The following ANKDD1A variants were observed in gnomAD, a reference collection of about 807,000 sequenced individuals.
ANKDD1A encodes the protein ankyrin repeat and death domain containing 1A, also known as ankyrin repeat and death domain-containing protein 1A.
A neutral mutation model predicts 63.5 loss-of-function variants in ANKDD1A; 59 were observed. The observed-to-expected ratio is 0.93, with a 90% CI of 0.75 to 1.15. ANKDD1A has a LOEUF of 1.15. ANKDD1A is among the 50% of genes most tolerant of loss of function. ANKDD1A has a pLI of 0.00. For missense variants in ANKDD1A, 632 were observed against 656.4 expected (o/e 0.96, Z 0.41); for synonymous variants, 266 against 263.9 (o/e 1.01, Z -0.08).
At position 64,944,711 on chromosome 15, in the gene ANKDD1A, G is replaced by A. The variant is rs2085210359; in HGVS notation, c.1125G>A (p.Met375Ile). The A allele has an allele frequency of 4.3e-6, 7 of 1,614,120 alleles. No homozygotes were observed. The highest frequency in any genetic ancestry group is 5.9e-6 in the Non-Finnish European group (7 of 1,179,996). The change falls in exon 12 of 15, where the codon ATG becomes ATA. Residue 375 changes from methionine to isoleucine, a missense_variant. Transcript: ENST00000319580. ...VRSNHVSLVD[M>I]IIKADRFYRW... ...GCAACCATGTCAGCCTGGTGGACAT[G>A]ATCATAAAAGCTGATCGTTTCTACA... is the stretch of plus-strand genomic sequence containing the variant.
chr15:64,920,182 T>C (rs2084998332), intron 3 of ANKDD1A, among the ~76,000 whole-genome samples: 1 of 152,088 alleles, frequency 6.6e-6, no homozygotes, highest in Non-Finnish European at 1.5e-5. Flanking sequence ...TCTTGATGTA[T>C]CCCCGGAGCT....
intron 11 of ANKDD1A, among the ~76,000 whole-genome samples, chr15:64,944,097 G>A (rs2085205995): frequency 6.6e-6 from 1 of 152,208 alleles, no homozygotes; most frequent in Non-Finnish European, 1.5e-5. Flanking sequence ...ATGGTGTGGG[G>A]TAGAGCTGGG....
chr15:64,942,565 T>G lies in ANKDD1A; in HGVS notation c.966T>G (p.Asn322Lys), dbSNP rs1048529733. The change falls in exon 10 of 15, where the codon AAT (asparagine) becomes AAG (lysine). Residue 322 changes from asparagine (N) to lysine (K), a missense_variant and splice_region_variant. By Grantham distance (94) the Asn-to-Lys change is moderately conservative. Transcript: ENST00000319580. ...NSDSDVNAVD[N>K]RQQTPLHLAA... ...ACAGTGACGTGAATGCCGTGGACAATGTAAGTGGCTACAGAGACCTTCCGG... is the reference window on the plus strand; with the variant it reads ...ACAGTGACGTGAATGCCGTGGACAAGGTAAGTGGCTACAGAGACCTTCCGG... 12 of 1,612,016 alleles carry G rather than the reference T, an allele frequency of 7.4e-6. No homozygotes were observed. Among genetic ancestry groups the G allele is most frequent in the African/African-American group, 1.3e-5 (1 of 74,788 alleles).
intron 9 of ANKDD1A, among the ~76,000 whole-genome samples, chr15:64,934,612 GC>G (rs1292478022): frequency 6.9e-6 from 1 of 145,434 alleles, no homozygotes; most frequent in African/African-American, 2.6e-5. Flanking sequence ...CAATTCTCCT[GC>G]CTCAGCCTCC....
In ANKDD1A at chr15:64,917,476, G is replaced by T; in HGVS notation, c.229G>T (p.Glu77Ter). The T allele has an allele frequency of 6.3e-7, 1 of 1,599,104 alleles. No individual in the cohort carries two copies. The highest frequency in any genetic ancestry group is 8.5e-7 in the Non-Finnish European group (1 of 1,173,264). Reference sequence around the variant, plus strand: ...GGAGCACGAGGCTGCTGTGGACGAGGAGGATGCGGTAGGGGCCCTCACAGA... The same window carrying T: ...GGAGCACGAGGCTGCTGTGGACGAGTAGGATGCGGTAGGGGCCCTCACAGA... ...LLEHEAAVDEEDAVGALTEAR... is the reference protein window; with the variant it reads ...LLEHEAAVDE The change falls in exon 3 of 15, where the codon GAG becomes TAG. Residue 77 changes from glutamate (E) to a stop codon, truncating the protein, a stop_gained. Transcript: ENST00000319580. LOFTEE classifies it high-confidence loss of function.
At position 64,945,607 on chromosome 15, in the gene ANKDD1A, C is replaced by CATATATATATATATATATATATAT. The variant is rs61390435; in HGVS notation, c.1161+861_1161+884dup. On this transcript the variant is annotated intron_variant, in intron 12 of 14. Coordinates refer to ENST00000319580, the MANE Select transcript of ANKDD1A (RefSeq NM_182703.6). ...TTAGAGGGATTAAATGCATTTTCAA[C>CATATATATATATATATATATATAT]ATATATATATATATATATATATATG... Among the ~76,000 whole-genome samples, 100 of 73,764 alleles carry CATATATATATATATATATATATAT rather than the reference C, an allele frequency of 1.4e-3. 2 individuals are homozygous for CATATATATATATATATATATATAT. The highest frequency in any genetic ancestry group is 2.7e-3 in the East Asian group (4 of 1,508). The allele number at this position is 73,764 out of a possible 152,430, so 48.4% of individuals were successfully genotyped here.
At position 64,953,817 on chromosome 15, in the gene ANKDD1A, CTTAT is replaced by C. The variant is rs745482594; in HGVS notation, c.1484-3284_1484-3281del. On this transcript the variant is annotated intron_variant, in intron 14 of 14. Transcript: ENST00000319580. The stretch of plus-strand genomic sequence containing the variant: ...TTTCTTCTTCCTTTTTTTCTTCTTC[CTTAT>C]TCTTTTCTTCTTTCCTCTTCTTTTC... 7.6e-5 allele frequency among the ~76,000 whole-genome samples: 8 copies of C among 105,722 alleles called. No individual in the cohort carries two copies. In the Admixed American group the frequency reaches 9.6e-4, roughly 13 times the overall value. The allele number at this position is 105,722 out of a possible 152,430, so 69.4% of individuals were successfully genotyped here. A position where few individuals can be genotyped will look rare whatever the true frequency, so the allele number is the denominator to read the frequency against.
At chr15:64,925,574 C>T (rs963233636) in intron 4 of ANKDD1A, among the ~76,000 whole-genome samples, 1 of 152,190 alleles carries the variant, frequency 6.6e-6, no homozygotes, top group Non-Finnish European at 1.5e-5. Flanking sequence ...ACACTGGTCA[C>T]TTGGTCACCT....
At chr15:64,947,650 T>C in intron 13 of ANKDD1A, 57 bp downstream of exon 13, 1 of 1,565,094 alleles carries the variant, frequency 6.4e-7, no homozygotes, top group Non-Finnish European at 8.7e-7. Context: ...GTGGGACACC[T>C]GAAATGTGTT....
At chr15:64,940,389 A>ATGAT (rs543155984) in intron 9 of ANKDD1A, among the ~76,000 whole-genome samples, 5 of 143,050 alleles carry the variant, frequency 3.5e-5, no homozygotes, top group Non-Finnish European at 7.7e-5. Context: ...TGGGGATAGG[A>ATGAT]TGATTGATAG....
In ANKDD1A at chr15:64,954,097, CTCTTT is replaced by C. The variant is rs1448767796; in HGVS notation, c.1484-3001_1484-2997del. Reference sequence around the variant, plus strand: ...CCTCTTTTCTTCTTCTTTCTCCTCCCTCTTTTCTTCTTCCTTTCTTTTCTCCTTTC... The same window carrying C: ...CCTCTTTTCTTCTTCTTTCTCCTCCCTCTTCTTCCTTTCTTTTCTCCTTTC... On this transcript the variant is annotated intron_variant, in intron 14 of 14. Transcript: ENST00000319580. Among the ~76,000 whole-genome samples the C allele has an allele frequency of 4.6e-4, 61 of 131,788 alleles. 1 individual carries two copies. The South Asian group carries it at 1.0e-2, about 22-fold the overall frequency. The allele number at this position is 131,788 out of a possible 152,430, so 86.5% of individuals were successfully genotyped here. A position where few individuals can be genotyped will look rare whatever the true frequency, so the allele number is the denominator to read the frequency against.
chr15:64,930,914 G>A lies in ANKDD1A; in HGVS notation c.663G>A (p.Gln221=), dbSNP rs1222703343. The A allele has an allele frequency of 6.2e-7, 1 of 1,611,068 alleles. No homozygotes were observed. The highest frequency in any genetic ancestry group is 1.3e-5 in the African/African-American group (1 of 74,926). The change falls in exon 7 of 15, where the codon CAG becomes CAA. Residue 221 remains glutamine, a synonymous_variant. Transcript: ENST00000319580. ...ACATCGGGCTGGACCTGGAGGAGCA[G>A]AATGCGGTGAGTCACCGCCTGGGGA... ...LVDIGLDLEE[Q]NAEGLTALHS...
chr15:64,947,411 C>A lies in ANKDD1A; in HGVS notation c.1169C>A (p.Pro390His), dbSNP rs750786354. Residue 390 changes from proline to histidine, a missense_variant, in exon 13 of 15, where the codon CCC (proline) becomes CAC (histidine). Physicochemically the swap from Pro to His is moderately conservative, Grantham distance 77. Transcript: ENST00000319580. ...DRFYRWEKDH[P>H]SDPSGKSLSF... ...TTGGGATCTGCCCCACAGGACCACC[C>A]CAGTGATCCCTCTGGGAAGAGCTTG... is the stretch of plus-strand genomic sequence containing the variant. 1.9e-6 allele frequency: 3 copies of A among 1,612,642 alleles called. No homozygotes were observed. Among genetic ancestry groups the A allele is most frequent in the Non-Finnish European group, 2.5e-6 (3 of 1,178,836 alleles).
intron 9 of ANKDD1A, 26 bp from the exon 10 acceptor site, chr15:64,942,441 A>C: frequency 6.3e-7 from 1 of 1,575,658 alleles, no homozygotes; most frequent in Non-Finnish European, 8.7e-7. Context: ...GGACTGGTCG[A>C]TTGATCCGTG....
At position 64,938,276 on chromosome 15, in the gene ANKDD1A, A is replaced by G. The variant is rs148200199; in HGVS notation, c.867+4042A>G. ...ATAGTGACTTCCTGCCAGAAAGTGC[A>G]GTACGGGAAGAGGAAAAGAGTAACC... On this transcript the variant is annotated intron_variant, in intron 9 of 14. Transcript: ENST00000319580. 1.4e-4 allele frequency among the ~76,000 whole-genome samples: 22 copies of G among 152,344 alleles called. No individual in the cohort carries two copies. In the East Asian group the frequency reaches 4.2e-3, roughly 29 times the overall value.
intron 2 of ANKDD1A, 112 bp from the exon 3 acceptor site, chr15:64,917,274 C>T: frequency 7.3e-7 from 1 of 1,365,168 alleles, no homozygotes; most frequent in Non-Finnish European, 9.7e-7. Flanking sequence ...GGACCAGAGC[C>T]AGCAAAGACC....
intron 6 of ANKDD1A, among the ~76,000 whole-genome samples, chr15:64,928,374 C>T (rs1282965057): frequency 6.6e-6 from 1 of 152,202 alleles, no homozygotes; most frequent in Non-Finnish European, 1.5e-5. Context: ...ACCCAAGAGG[C>T]AAAATGATCA....
chr15:64,931,672 C>A, intron 8 of ANKDD1A, 87 bp downstream of exon 8: 1 of 1,410,526 alleles, frequency 7.1e-7, no homozygotes, highest in Non-Finnish European at 9.8e-7. Flanking sequence ...GATTCCTGAA[C>A]CCTGAGTGAA....
intron 13 of ANKDD1A, among the ~76,000 whole-genome samples, chr15:64,948,593 G>A (rs1257711377): frequency 6.6e-6 from 1 of 152,166 alleles, no homozygotes; most frequent in Non-Finnish European, 1.5e-5. Flanking sequence ...GGGAGGCCAA[G>A]GTGGGCAGAT....
Sources: gnomAD v4.1 joint callset for allele counts (sites outside exome capture counted in the v4.1 genomes callset) on GRCh38, gnomAD v4.1.1 for gene constraint, MANE v1.5 for transcripts, NCBI Gene and HGNC (gene_info 2026-07-23, HGNC 2026-07-21) for gene names.